The following DENND1A variants were observed in gnomAD, a reference collection of about 807,000 sequenced individuals.
DENND1A encodes the protein DENN domain-containing protein 1A.
A neutral mutation model predicts 113.7 loss-of-function variants in DENND1A; 51 were observed. The ratio of observed to expected loss-of-function variants is 0.45; its 90% confidence interval spans 0.36 to 0.57. The LOEUF (loss-of-function observed/expected upper bound fraction) is 0.57, where lower values mean the gene tolerates loss of function less well. Ranked by LOEUF, DENND1A falls within the 20% of genes least tolerant of loss-of-function variation. DENND1A has a pLI of 0.00. For missense variants in DENND1A, 1,258 were observed against 1,395.9 expected (o/e 0.90, Z 1.57); for synonymous variants, 565 against 570.8 (o/e 0.99, Z 0.14).
At chr9:123,607,520 C>CAGAG (rs33997878) in intron 11 of DENND1A, among the ~76,000 whole-genome samples, 26 of 73,868 alleles carry the variant, frequency 3.5e-4, no homozygotes, top group South Asian at 1.8e-3. Context: ...CACACACACA[C>CAGAG]AGAGAGAGAG....
intron 9 of DENND1A, among the ~76,000 whole-genome samples, chr9:123,650,273 C>A (rs1370582695): frequency 6.6e-6 from 1 of 152,034 alleles, no homozygotes; most frequent in Non-Finnish European, 1.5e-5. Flanking sequence ...TTAAAAAAAA[C>A]TGAGTTCTTG....
intron 7 of DENND1A, among the ~76,000 whole-genome samples, chr9:123,668,304 GT>G (rs2063589811): frequency 6.6e-6 from 1 of 152,154 alleles, no homozygotes; most frequent in Non-Finnish European, 1.5e-5. Context: ...AGAAGAATGA[GT>G]TGTATAGGCT....
intron 3 of DENND1A, among the ~76,000 whole-genome samples, chr9:123,777,008 G>C (rs928881629): frequency 6.6e-6 from 1 of 152,196 alleles, no homozygotes; most frequent in Non-Finnish European, 1.5e-5. Flanking sequence ...GTTAGACAAT[G>C]CATCAGCCTC....
At chr9:123,853,490 C>G (rs1274107896) in intron 2 of DENND1A, among the ~76,000 whole-genome samples, 1 of 151,604 alleles carries the variant, frequency 6.6e-6, no homozygotes, top group Non-Finnish European at 1.5e-5. Context: ...CTGGTAAAAC[C>G]CCATCTCTAC....
At chr9:123,893,720 T>C (rs1850277668) in intron 1 of DENND1A, among the ~76,000 whole-genome samples, 1 of 152,202 alleles carries the variant, frequency 6.6e-6, no homozygotes, top group African/African-American at 2.4e-5. Flanking sequence ...AGAAATTGAA[T>C]TGCTTGCCCA....
intron 2 of DENND1A, among the ~76,000 whole-genome samples, chr9:123,852,182 T>C (rs144174781): frequency 1.4e-3 from 220 of 152,278 alleles, no homozygotes; most frequent in African/African-American, 5.1e-3. Context: ...CTTCTCTCTT[T>C]AGTTTACAAA....
At chr9:123,425,801 G>C (rs917635701) in intron 19 of DENND1A, among the ~76,000 whole-genome samples, 1 of 152,228 alleles carries the variant, frequency 6.6e-6, no homozygotes, top group African/African-American at 2.4e-5. Context: ...CGGTGGAGGT[G>C]GGGGCTTGTC....
chr9:123,383,688 G>T lies in DENND1A; in HGVS notation c.1986C>A (p.Asp662Glu), dbSNP rs1419164850. The T allele has an allele frequency of 1.2e-6, 2 of 1,613,974 alleles. No homozygotes were observed. Among genetic ancestry groups the T allele is most frequent in the Admixed American group, 3.3e-5 (2 of 60,012 alleles). The change falls in exon 23 of 24, where the codon GAC becomes GAA. Residue 662 changes from aspartate to glutamate, a missense_variant. Physicochemically the swap from Asp to Glu is conservative, Grantham distance 45 (BLOSUM62 2). Transcript: ENST00000394215. ...CAAAGGTCCCTGGCTGCTCCCTCAG[G>T]TCTTTGGGGGCACGAAGGTCCTCTA... ...KSLEDLRAPK[D>E]LREQPGTFDY...
At chr9:123,389,024 C>T (rs900674343) in intron 21 of DENND1A, among the ~76,000 whole-genome samples, 12 of 152,250 alleles carry the variant, frequency 7.9e-5, no homozygotes, top group Non-Finnish European at 1.5e-4. Flanking sequence ...CAGCTAAAGC[C>T]GTCTCCCTTC....
At chr9:123,682,164 T>C (rs963516702) in intron 5 of DENND1A, among the ~76,000 whole-genome samples, 1 of 152,230 alleles carries the variant, frequency 6.6e-6, no homozygotes. Context: ...AAAATCTTAA[T>C]GTAATCTAGT....
At chr9:123,454,452 C>T (rs2047960392) in intron 16 of DENND1A, among the ~76,000 whole-genome samples, 1 of 152,156 alleles carries the variant, frequency 6.6e-6, no homozygotes, top group Admixed American at 6.5e-5. Flanking sequence ...AAGGAGAACC[C>T]CCCGAATGCT....
At chr9:123,584,566 T>C (rs1589238230) in intron 11 of DENND1A, among the ~76,000 whole-genome samples, 1 of 152,228 alleles carries the variant, frequency 6.6e-6, no homozygotes, top group South Asian at 2.1e-4. Context: ...AATGGACAAG[T>C]AGCATATACT....
chr9:123,859,359 G>A (rs1038681618), intron 2 of DENND1A, among the ~76,000 whole-genome samples: 3 of 150,454 alleles, frequency 2.0e-5, no homozygotes, highest in African/African-American at 7.4e-5. Context: ...ATTTGCATGG[G>A]GTTTACATTT....
chr9:123,723,869 T>C (rs112948220), intron 5 of DENND1A, among the ~76,000 whole-genome samples: 48 of 152,220 alleles, frequency 3.2e-4, no homozygotes, highest in African/African-American at 1.1e-3. Flanking sequence ...GTTTTTAGTC[T>C]GACCATCTCT....
At chr9:123,746,736 T>C (rs2069543104) in intron 5 of DENND1A, among the ~76,000 whole-genome samples, 1 of 152,128 alleles carries the variant, frequency 6.6e-6, no homozygotes, top group Non-Finnish European at 1.5e-5. Context: ...CAAAAAGACC[T>C]AGAATTGCAA....
intron 12 of DENND1A, among the ~76,000 whole-genome samples, chr9:123,560,870 T>A (rs886387334): frequency 6.6e-6 from 1 of 151,964 alleles, no homozygotes; most frequent in Non-Finnish European, 1.5e-5. Context: ...CAAGGACACA[T>A]AAGCCCCAGC....
intron 2 of DENND1A, chr9:123,842,988 C>T: frequency 2.4e-6 from 1 of 408,352 alleles, no homozygotes; most frequent in Non-Finnish European, 4.8e-6. Context: ...GCAGTAGTTC[C>T]CCAAGTCCCT....
At chr9:123,500,793 C>T (rs564714492) in intron 13 of DENND1A, among the ~76,000 whole-genome samples, 33 of 152,298 alleles carry the variant, frequency 2.2e-4, no homozygotes, top group Non-Finnish European at 3.8e-4. Context: ...CAGAACCATA[C>T]TCAAATCTGG....
At chr9:123,876,485 T>C (rs1042781896) in intron 2 of DENND1A, among the ~76,000 whole-genome samples, 1 of 152,218 alleles carries the variant, frequency 6.6e-6, no homozygotes, top group African/African-American at 2.4e-5. Context: ...CTCCTGGATA[T>C]GCAGGGGTGA....
Sources: gnomAD v4.1 joint callset for allele counts (sites outside exome capture counted in the v4.1 genomes callset) on GRCh38, gnomAD v4.1.1 for gene constraint, MANE v1.5 for transcripts, NCBI Gene and HGNC (gene_info 2026-07-23, HGNC 2026-07-21) for gene names.